Variants in SCART1 observed in about 807,000 individuals in gnomAD.
The protein encoded by SCART1 is scavenger receptor cysteine-rich domain-containing protein SCART1.
In SCART1, 62 loss-of-function variants were observed where a neutral mutation model predicts 36.2. That is an observed-to-expected ratio of 1.71 (90% CI 1.40 to 2.12). The LOEUF (loss-of-function observed/expected upper bound fraction) is 2.12, where lower values mean the gene tolerates loss of function less well. Among genes scored for constraint, SCART1 ranks in the 30% most tolerant of loss-of-function variants. The pLI is 0.00. For missense variants in SCART1, 1,041 were observed against 540.5 expected, an observed-to-expected ratio of 1.93 and a Z score of -9.18; for synonymous variants, 487 against 238.7, an observed-to-expected ratio of 2.04 and a Z score of -9.59.
intron 9 of SCART1, chr10:133,465,917 C>T (rs1458208824): frequency 3.0e-6 from 2 of 675,544 alleles, no homozygotes; most frequent in Admixed American, 2.0e-5. Context: ...GCAAAAGCAG[C>T]AGCAGTGGTA....
intron 6 of SCART1, among the ~76,000 whole-genome samples, chr10:133,462,819 A>G (rs1356268930): frequency 6.6e-6 from 1 of 152,158 alleles, no homozygotes; most frequent in Non-Finnish European, 1.5e-5. Context: ...AGAGTCTCAG[A>G]CCCTATTCCT....
intron 11 of SCART1, 87 bp from the exon 12 acceptor site, chr10:133,467,760 C>A: frequency 1.8e-6 from 1 of 564,892 alleles, no homozygotes; most frequent in Non-Finnish European, 3.2e-6. Context: ...CATGTTTATG[C>A]GTTCCTGTCT....
chr10:133,465,373 G>A (rs1429953844), exon 9 of SCART1: 3 of 670,358 alleles, frequency 4.5e-6, no homozygotes, highest in African/African-American at 1.8e-5. Context: ...CGCGGAGGTC[G>A]TGTGCCGCCA....
intron 1 of SCART1, among the ~76,000 whole-genome samples, chr10:133,454,510 C>T (rs2133547884): frequency 6.6e-6 from 1 of 152,112 alleles, no homozygotes; most frequent in South Asian, 2.1e-4. Flanking sequence ...CAGGTGGAGA[C>T]ACTGGGGTGT....
rs570985037 is a variant in SCART1 at position 133,465,507 on chromosome 10, G to A, written c.2601G>A (p.Ala867=). 1.3e-5 allele frequency: 7 copies of A among 521,038 alleles called. No homozygotes were observed. In the South Asian group the frequency reaches 1.4e-4, roughly 10 times the overall value. The allele number at this position is 521,038 out of a possible 1,614,324, so 32.3% of individuals were successfully genotyped here. ...AGGCGTCCCTGTGGGGCTGCCCTGC[G>A]GAGCGGTGGGGACGCGGAGACCGCG... Residue 867 remains alanine, a synonymous_variant, in exon 9 of 12, where the codon GCG becomes GCA. Coordinates refer to ENST00000640237, the Ensembl canonical transcript of SCART1.
intron 6 of SCART1, among the ~76,000 whole-genome samples, chr10:133,460,496 A>ATATATATATATTTTTTTTT: frequency 1.5e-5 from 2 of 136,006 alleles, no homozygotes; most frequent in East Asian, 4.3e-4. Flanking sequence ...ATATTTATAT[A>ATATATATATATTTTTTTTT]TTTTAAAAAA....
At chr10:133,467,340 C>T in exon 11 of SCART1, 1 of 701,608 alleles carries the variant, frequency 1.4e-6, no homozygotes, top group Non-Finnish European at 2.6e-6. Context: ...TGAAGGTGGA[C>T]ACAGAAGCCG....
downstream of SCART1, among the ~76,000 whole-genome samples, chr10:133,469,618 A>G (rs1478459614): frequency 6.6e-6 from 1 of 152,190 alleles, no homozygotes; most frequent in Admixed American, 6.5e-5. Flanking sequence ...GGGAAGGGAT[A>G]GCATGAGGAG....
chr10:133,464,702 C>T (rs1266260895), exon 7 of SCART1: 1 of 701,918 alleles, frequency 1.4e-6, no homozygotes, highest in Non-Finnish European at 2.6e-6. Context: ...TGCAGCAATG[C>T]CCTGAAGGAC....
intron 6 of SCART1, among the ~76,000 whole-genome samples, chr10:133,460,989 G>C (rs931059387): frequency 2.0e-5 from 3 of 152,084 alleles, no homozygotes; most frequent in Admixed American, 2.0e-4. Context: ...ACCTGCCTCA[G>C]CCTCCCAAAG....
chr10:133,464,631 T>C (rs1265519049), exon 7 of SCART1: 1 of 661,036 alleles, frequency 1.5e-6, no homozygotes, highest in East Asian at 2.7e-5. Context: ...GGCTGCGAGG[T>C]GGGACCTGCT....
exon 6 of SCART1, chr10:133,459,784 A>T: frequency 1.5e-6 from 1 of 673,962 alleles, no homozygotes; most frequent in South Asian, 1.6e-5. Flanking sequence ...ACCTCGCGGG[A>T]CGCCGGCGTG....
exon 12 of SCART1, chr10:133,468,989 C>T (rs760602044): frequency 5.3e-5 from 8 of 152,162 alleles, no homozygotes; most frequent in Non-Finnish European, 1.0e-4. Flanking sequence ...AATTTACACT[C>T]CCACCAACAG....
chr10:133,465,749 C>T (rs1850757970), intron 9 of SCART1, 184 bp downstream of exon 9: 1 of 660,076 alleles, frequency 1.5e-6, no homozygotes, highest in East Asian at 2.7e-5. Flanking sequence ...CATGCACTCC[C>T]TGGGGTTTCC....
At chr10:133,458,172 G>A (rs1850642852) in intron 3 of SCART1, 188 bp from the exon 4 acceptor site, 1 of 698,924 alleles carries the variant, frequency 1.4e-6, no homozygotes, top group Admixed American at 2.0e-5. Context: ...TGCGGCCAAG[G>A]ACGTCTGCTC....
At chr10:133,463,227 G>GAC (rs142182687) in intron 6 of SCART1, among the ~76,000 whole-genome samples, 7 of 151,764 alleles carry the variant, frequency 4.6e-5, no homozygotes, top group South Asian at 2.1e-4. Context: ...CACACACACA[G>GAC]ACACACACAC....
chr10:133,456,284 G>A (rs68174897), exon 2 of SCART1: 53,671 of 702,706 alleles, frequency 0.076, 2,553 homozygotes, highest in East Asian at 0.15. Context: ...CACGTGCGAC[G>A]GAGTGGTGTT....
exon 12 of SCART1, chr10:133,469,103 T>C (rs1850791602): frequency 6.6e-6 from 1 of 152,228 alleles, no homozygotes; most frequent in African/African-American, 2.4e-5. Context: ...CTCATTGTGG[T>C]TTTGATTTGC....
chr10:133,455,686 C>G (rs545283724), intron 1 of SCART1, among the ~76,000 whole-genome samples: 1 of 151,796 alleles, frequency 6.6e-6, no homozygotes, highest in East Asian at 1.9e-4. Context: ...GCTCAGAGAC[C>G]GGAGGGTGAG....
Sources: gnomAD v4.1 joint callset for allele counts (sites outside exome capture counted in the v4.1 genomes callset) on GRCh38, gnomAD v4.1.1 for gene constraint, MANE v1.5 for transcripts, NCBI Gene and HGNC (gene_info 2026-07-23, HGNC 2026-07-21) for gene names.